The following LRRTM4 variants were observed in gnomAD, a reference collection of about 807,000 sequenced individuals.
LRRTM4 encodes the protein leucine-rich repeat transmembrane neuronal protein 4.
LRRTM4 carries 25 observed loss-of-function variants against 47.6 expected under a neutral mutation model. That is an observed-to-expected ratio of 0.53 (90% CI 0.38 to 0.73). The LOEUF is 0.73. LRRTM4 is among the 30% of genes least tolerant of loss of function. LRRTM4 has a pLI of 0.00. For synonymous variants in LRRTM4, 311 were observed against 269.5 expected, an observed-to-expected ratio of 1.15 and a Z score of -1.51; for missense variants, 638 against 713.4, an observed-to-expected ratio of 0.89 and a Z score of 1.20.
intron 3 of LRRTM4, among the ~76,000 whole-genome samples, chr2:76,932,364 C>T (rs916227793): frequency 6.6e-6 from 1 of 152,090 alleles, no homozygotes; most frequent in Non-Finnish European, 1.5e-5. Context: ...TTGTCTCCTT[C>T]TTTCCCCTAG....
intron 3 of LRRTM4, among the ~76,000 whole-genome samples, chr2:76,753,539 T>G (rs1212575957): frequency 6.6e-6 from 1 of 152,162 alleles, no homozygotes; most frequent in African/African-American, 2.4e-5. Context: ...AGCTCGAGTA[T>G]TTTTTTCTTC....
At chr2:76,863,073 T>C (rs139178564) in intron 3 of LRRTM4, among the ~76,000 whole-genome samples, 7 of 152,308 alleles carry the variant, frequency 4.6e-5, no homozygotes, top group South Asian at 2.1e-4. Flanking sequence ...ACGTCTGACA[T>C]TGAAGACATT....
intron 3 of LRRTM4, among the ~76,000 whole-genome samples, chr2:77,011,876 G>T (rs116942861): frequency 6.6e-6 from 1 of 151,696 alleles, no homozygotes; most frequent in Non-Finnish European, 1.5e-5. Context: ...GATTTTTATC[G>T]CTCTTAACCA....
In LRRTM4 at chr2:76,874,341, T is replaced by A. The variant is rs556252052; in HGVS notation, c.1552-125425A>T. ...CAACACCACATTTAATTTGTCTGAA[T>A]CTTTTCTTTGTTTATTCTATGGCTA... On this transcript the variant is annotated intron_variant, in intron 3 of 3. Transcript: ENST00000409884. Among the ~76,000 whole-genome samples the A allele has an allele frequency of 3.7e-4, 57 of 152,120 alleles. 2 individuals carry two copies. Among genetic ancestry groups the A allele is most frequent in the African/African-American group, 1.3e-3 (52 of 41,482 alleles).
intron 3 of LRRTM4, among the ~76,000 whole-genome samples, chr2:77,160,621 T>C (rs1672686084): frequency 6.6e-6 from 1 of 152,180 alleles, no homozygotes; most frequent in Non-Finnish European, 1.5e-5. Flanking sequence ...CTTTTTATTG[T>C]ACAATGAAGA....
chr2:77,114,689 A>C (rs962918079), intron 3 of LRRTM4, among the ~76,000 whole-genome samples: 1 of 152,148 alleles, frequency 6.6e-6, no homozygotes, highest in Non-Finnish European at 1.5e-5. Flanking sequence ...ACAAAGAGAG[A>C]AATTTTACAG....
At chr2:77,105,324 T>G (rs1671065770) in intron 3 of LRRTM4, among the ~76,000 whole-genome samples, 1 of 152,026 alleles carries the variant, frequency 6.6e-6, no homozygotes, top group South Asian at 2.1e-4. Flanking sequence ...TCTATCATTG[T>G]TGGACAAATG....
At chr2:76,950,128 T>C (rs936363563) in intron 3 of LRRTM4, among the ~76,000 whole-genome samples, 1 of 151,922 alleles carries the variant, frequency 6.6e-6, no homozygotes, top group African/African-American at 2.4e-5. Context: ...GAAAAATAGT[T>C]AAGCAAGCCC....
intron 3 of LRRTM4, among the ~76,000 whole-genome samples, chr2:77,427,404 T>G (rs1306111001): frequency 6.6e-6 from 1 of 152,242 alleles, no homozygotes; most frequent in African/African-American, 2.4e-5. Context: ...CTACATTAAT[T>G]CTACTTTTAT....
intron 3 of LRRTM4, among the ~76,000 whole-genome samples, chr2:77,017,036 G>C (rs1678095834): frequency 6.6e-6 from 1 of 151,994 alleles, no homozygotes; most frequent in Admixed American, 6.6e-5. Context: ...AATATATTGG[G>C]TGTTATTCAT....
At chr2:76,959,688 T>G (rs1675788659) in intron 3 of LRRTM4, among the ~76,000 whole-genome samples, 1 of 151,692 alleles carries the variant, frequency 6.6e-6, no homozygotes, top group Non-Finnish European at 1.5e-5. Flanking sequence ...CATGTGGCAT[T>G]GGCTACGGAA....
intron 3 of LRRTM4, among the ~76,000 whole-genome samples, chr2:77,070,952 A>G (rs58569372): frequency 0.4 from 60,869 of 151,986 alleles, 14,281 homozygotes; most frequent in East Asian, 0.68. Context: ...TTTTAAAATT[A>G]AATGGCTGTT....
chr2:77,024,499 A>G (rs1057461927), intron 3 of LRRTM4, among the ~76,000 whole-genome samples: 1 of 151,888 alleles, frequency 6.6e-6, no homozygotes, highest in African/African-American at 2.4e-5. Flanking sequence ...TAGAATTAAA[A>G]AAAAAAAAAA....
intron 3 of LRRTM4, among the ~76,000 whole-genome samples, chr2:76,814,363 A>C (rs1301965993): frequency 2.0e-5 from 3 of 151,692 alleles, no homozygotes; most frequent in Non-Finnish European, 4.4e-5. Context: ...TAGTAAGCTA[A>C]GGTTAATTTA....
At chr2:77,232,480 C>T (rs1674992172) in intron 3 of LRRTM4, among the ~76,000 whole-genome samples, 1 of 152,172 alleles carries the variant, frequency 6.6e-6, no homozygotes, top group Non-Finnish European at 1.5e-5. Flanking sequence ...CTAGACTGGG[C>T]TTCTTATGAG....
At chr2:77,306,273 T>C (rs1015398975) in intron 3 of LRRTM4, among the ~76,000 whole-genome samples, 2 of 152,210 alleles carry the variant, frequency 1.3e-5, no homozygotes, top group Non-Finnish European at 2.9e-5. Flanking sequence ...AAATTTTGTG[T>C]TCTTTTGCAT....
intron 3 of LRRTM4, among the ~76,000 whole-genome samples, chr2:77,411,920 C>G (rs1314511750): frequency 6.6e-6 from 1 of 152,146 alleles, no homozygotes; most frequent in Non-Finnish European, 1.5e-5. Flanking sequence ...GAACTACTGT[C>G]AGTGAGACCT....
At chr2:77,355,794 A>G (rs1432505762) in intron 3 of LRRTM4, among the ~76,000 whole-genome samples, 1 of 152,176 alleles carries the variant, frequency 6.6e-6, no homozygotes, top group Non-Finnish European at 1.5e-5. Context: ...TTTATATTGG[A>G]AATAAATTAT....
At chr2:77,219,373 A>G (rs1674552963) in intron 3 of LRRTM4, among the ~76,000 whole-genome samples, 1 of 152,184 alleles carries the variant, frequency 6.6e-6, no homozygotes, top group Non-Finnish European at 1.5e-5. Context: ...CTGTTGAGTC[A>G]CTGAAACAAA....
Sources: gnomAD v4.1 joint callset for allele counts (sites outside exome capture counted in the v4.1 genomes callset) on GRCh38, gnomAD v4.1.1 for gene constraint, MANE v1.5 for transcripts, NCBI Gene and HGNC (gene_info 2026-07-23, HGNC 2026-07-21) for gene names.